CENATAC: variants seen among roughly 807,000 people sequenced by gnomAD.
CENATAC encodes the protein centrosomal AT-AC splicing factor.
In CENATAC, 53 loss-of-function variants were observed where a neutral mutation model predicts 53.7. The ratio of observed to expected loss-of-function variants is 0.99; its 90% confidence interval spans 0.79 to 1.24. The LOEUF (loss-of-function observed/expected upper bound fraction) is 1.24. CENATAC is among the 50% of genes most tolerant of loss of function. The pLI is 0.00. For synonymous variants in CENATAC, 156 were observed against 144.6 expected (o/e 1.08, Z -0.57); for missense variants, 474 against 417.8 (o/e 1.13, Z -1.17).
At chr11:119,003,924 T>A (rs1245310405) in intron 3 of CENATAC, 1 of 152,364 alleles carries the variant, frequency 6.6e-6, no homozygotes, top group African/African-American at 2.4e-5. Context: ...CGGCCCAAAT[T>A]AGAAATATTT....
chr11:119,015,382 C>T lies in CENATAC; in HGVS notation c.881C>T (p.Ala294Val). Residue 294 changes from alanine to valine, a missense_variant, in exon 10 of 11, where the codon GCA becomes GTA. By Grantham distance (64) the Ala-to-Val change is moderately conservative. Transcript: ENST00000334418. ...TTTGATCACAGCTCCAGGACCAGTG[C>T]AGGCTGGCTGCCCTCTTTTGGCCGC... Reference protein sequence around the residue: ...ANFDHSSRTSAGWLPSFGRVW... With the variant: ...ANFDHSSRTSVGWLPSFGRVW... 1 of 1,614,234 alleles carries T rather than the reference C, an allele frequency of 6.2e-7. No homozygotes were observed. The highest frequency in any genetic ancestry group is 8.5e-7 in the Non-Finnish European group (1 of 1,180,032).
intron 7 of CENATAC, 183 bp from the exon 8 acceptor site, chr11:119,013,049 G>C (rs1942948783): frequency 3.8e-6 from 2 of 527,804 alleles, no homozygotes; most frequent in African/African-American, 2.0e-5. Flanking sequence ...CTGAGGACAG[G>C]GTTGTCTTAG....
rs1372339182 is a variant in CENATAC, at chr11:119,013,345, G to A, written c.715+83G>A. The A allele has an allele frequency of 1.1e-5, 11 of 1,042,396 alleles. No homozygotes were observed. The East Asian group carries it at 2.8e-4, about 26-fold the overall frequency. 64.6% of individuals were successfully genotyped at this position (1,042,396 alleles called of 1,614,324 possible). On this transcript the variant is annotated intron_variant, in intron 8 of 10. Coordinates refer to ENST00000334418, the MANE Select transcript of CENATAC (RefSeq NM_198489.3). ...GGAGTCTTGTTCTGTCGCCAGGCTGGAGTGCAGTGGCGCAATCTCAGCTCG... is the reference window on the plus strand; with the variant it reads ...GGAGTCTTGTTCTGTCGCCAGGCTGAAGTGCAGTGGCGCAATCTCAGCTCG...
chr11:119,005,381 G>T (rs1942535468), intron 3 of CENATAC, among the ~76,000 whole-genome samples: 2 of 151,676 alleles, frequency 1.3e-5, no homozygotes, highest in East Asian at 1.9e-4. Flanking sequence ...CAGGAGAATG[G>T]CGTGAACCCA....
chr11:119,015,059 T>G lies in CENATAC; in HGVS notation c.781T>G (p.Ser261Ala). 7 of 1,609,816 alleles carry G rather than the reference T, an allele frequency of 4.3e-6. No individual in the cohort carries two copies. The highest frequency in any genetic ancestry group is 5.9e-6 in the Non-Finnish European group (7 of 1,177,742). The change falls in exon 9 of 11, where the codon TCC becomes GCC. Residue 261 changes from serine (S) to alanine (A), a missense_variant. By Grantham distance (99) the Ser-to-Ala change is moderately conservative. Coordinates refer to ENST00000334418, the MANE Select transcript of CENATAC (RefSeq NM_198489.3). ...YIAGNQEIGPSYEEFLKEKEK... is the reference protein window; with the variant it reads ...YIAGNQEIGPAYEEFLKEKEK... ...TGCTGGGAACCAAGAAATAGGACCATCCTATGAAGAATTTCTTAAAGAAAG... is the reference window on the plus strand; with the variant it reads ...TGCTGGGAACCAAGAAATAGGACCAGCCTATGAAGAATTTCTTAAAGAAAG...
At chr11:119,001,484 C>T (rs915389350) in intron 3 of CENATAC, 4 of 394,956 alleles carry the variant, frequency 1.0e-5, no homozygotes, top group South Asian at 1.8e-5. Context: ...CTCTGCCTCC[C>T]GGGTTCAAGC....
chr11:119,010,602 A>C, intron 3 of CENATAC, 162 bp from the exon 4 acceptor site: 1 of 620,298 alleles, frequency 1.6e-6, no homozygotes, highest in East Asian at 2.7e-5. Flanking sequence ...AGTATGGCAA[A>C]ATGTTTACAA....
intron 8 of CENATAC, 137 bp downstream of exon 8, chr11:119,013,399 G>A: frequency 5.0e-6 from 3 of 601,090 alleles, no homozygotes; most frequent in Non-Finnish European, 8.8e-6. Context: ...AGGTTCAAGT[G>A]ATTCTTCTGC....
chr11:119,008,023 G>A (rs1227189897), intron 3 of CENATAC, among the ~76,000 whole-genome samples: 1 of 152,192 alleles, frequency 6.6e-6, no homozygotes. Flanking sequence ...TGTGAGTTGT[G>A]GGATATTCTG....
At chr11:119,013,291 C>G in intron 8 of CENATAC, 29 bp downstream of exon 8, 6 of 1,582,538 alleles carry the variant, frequency 3.8e-6, no homozygotes, top group South Asian at 2.3e-5. Context: ...TTTTTAAAAC[C>G]CTGGGAGATT....
At chr11:119,003,806 AT>A (rs1171277461) in intron 3 of CENATAC, 1 of 156,012 alleles carries the variant, frequency 6.4e-6, no homozygotes, top group Non-Finnish European at 1.4e-5. Flanking sequence ...TGTAGTAGAG[AT>A]GGGGTTTTAC....
chr11:119,003,619 C>CT (rs782023708), intron 3 of CENATAC: 38 of 111,042 alleles, frequency 3.4e-4, no homozygotes, highest in African/African-American at 1.7e-3. Flanking sequence ...ATATTTCTCT[C>CT]TCTTTTTTTT....
At position 119,013,302 on chromosome 11, in the gene CENATAC, T is replaced by C. The variant is rs1021561385; in HGVS notation, c.715+40T>C. 3.4e-6 allele frequency: 5 copies of C among 1,474,464 alleles called. No individual in the cohort carries two copies. In the African/African-American group the frequency reaches 5.8e-5, roughly 17 times the overall value. The allele number at this position is 1,474,464 out of a possible 1,614,324, so 91.3% of individuals were successfully genotyped here. On this transcript the variant is annotated intron_variant, in intron 8 of 10. Transcript: ENST00000334418. ...AGTGTTTTTAAAACCCTGGGAGATT[T>C]TTTTTTTTTTTTGAGATGGAGTCTT...
chr11:119,012,153 G>C lies in CENATAC; in HGVS notation c.583G>C (p.Val195Leu), dbSNP rs147652491. Residue 195 changes from valine to leucine, a missense_variant, in exon 7 of 11, where the codon GTA becomes CTA. Coordinates refer to ENST00000334418, the MANE Select transcript of CENATAC (RefSeq NM_198489.3). Reference protein sequence around the residue: ...PRSWKGMNSQVASSLQQPSNL... With the variant: ...PRSWKGMNSQLASSLQQPSNL... ...AGCCTGGCTCATGTTTTTCAGCCAA[G>C]TAGCTTCCAGCTTACAGCAGCCCTC... is the stretch of plus-strand genomic sequence containing the variant. The C allele has an allele frequency of 1.4e-4, 230 of 1,614,170 alleles. No individual in the cohort carries two copies. The African/African-American group carries it at 2.8e-3, about 20-fold the overall frequency.
intron 3 of CENATAC, chr11:119,001,597 T>G (rs970832091): frequency 4.4e-6 from 2 of 454,850 alleles, no homozygotes. Context: ...CTTTTTAATT[T>G]TTTCCATATT....
chr11:119,003,621 CTT>C (rs138779092), intron 3 of CENATAC: 419 of 128,802 alleles, frequency 3.3e-3, no homozygotes, highest in South Asian at 0.011. Context: ...ATTTCTCTCT[CTT>C]TTTTTTTTTT....
chr11:119,013,778 A>T (rs866862901), intron 8 of CENATAC, among the ~76,000 whole-genome samples: 2,631 of 146,746 alleles, frequency 0.018, 74 homozygotes, highest in African/African-American at 0.066. Flanking sequence ...TTTTTTTTTT[A>T]AATAAAGTTG....
chr11:119,001,495 G>A (rs113500652), intron 3 of CENATAC: 127 of 405,650 alleles, frequency 3.1e-4, no homozygotes, highest in African/African-American at 2.4e-3. Flanking sequence ...GGGTTCAAGC[G>A]ATTCTCCCGT....
At chr11:119,010,017 T>A (rs73559126) in intron 3 of CENATAC, 15,774 of 152,188 alleles carry the variant, frequency 0.1, 964 homozygotes, top group South Asian at 0.24. Context: ...ATAGTGGTGC[T>A]GTCCTGTAGT....
Sources: gnomAD v4.1 joint callset for allele counts (sites outside exome capture counted in the v4.1 genomes callset) on GRCh38, gnomAD v4.1.1 for gene constraint, MANE v1.5 for transcripts, NCBI Gene and HGNC (gene_info 2026-07-23, HGNC 2026-07-21) for gene names.